PACRGL: variants seen among roughly 807,000 people sequenced by gnomAD.
PACRGL encodes PACRG-like protein.
Under a neutral mutation model 34.5 loss-of-function variants are expected in PACRGL, and 38 were observed. That is an observed-to-expected ratio of 1.10 (90% confidence interval 0.85 to 1.44). The LOEUF is 1.44. Ranked by LOEUF, PACRGL falls within the 40% of genes most tolerant of loss-of-function variation. The pLI is 0.00. For synonymous variants in PACRGL, 128 were observed against 100.1 expected (o/e 1.28, Z -1.66); for missense variants, 305 against 281.4 (o/e 1.08, Z -0.60).
intron 4 of PACRGL, among the ~76,000 whole-genome samples, chr4:20,708,982 A>AG (rs1735832817): frequency 1.3e-5 from 2 of 150,402 alleles, no homozygotes; most frequent in African/African-American, 2.4e-5. Flanking sequence ...AAAAAAAAAA[A>AG]TACAAAATTA....
intron 8 of PACRGL, among the ~76,000 whole-genome samples, chr4:20,740,004 A>T (rs1750672845): frequency 6.6e-6 from 1 of 152,204 alleles, no homozygotes; most frequent in Admixed American, 6.5e-5. Flanking sequence ...GTGATTGAAG[A>T]TCAAGTGAAT....
chr4:20,724,521 G>A (rs1441233197), intron 7 of PACRGL, among the ~76,000 whole-genome samples: 3 of 152,130 alleles, frequency 2.0e-5, no homozygotes, highest in African/African-American at 7.2e-5. Flanking sequence ...GGTCCTCAAT[G>A]CTCTTGCAAA....
rs1745530387 is a variant in PACRGL, at chr4:20,726,166, AG to A, written c.691-1114del. Among the ~76,000 whole-genome samples the A allele has an allele frequency of 2.0e-5, 3 of 152,012 alleles. No homozygotes were observed. In the South Asian group the frequency reaches 6.2e-4, roughly 32 times the overall value. On this transcript the variant is annotated intron_variant, in intron 8 of 8. Coordinates refer to ENST00000503585, the MANE Select transcript of PACRGL (RefSeq NM_001258345.3). ...ATGTTAGATTTTGTGGTGGGAGTGG[AG>A]GGGGTGTGGAGGAGGAGATAGTATA...
At chr4:20,733,800 A>C (rs1392710757), downstream of PACRGL, among the ~76,000 whole-genome samples, 2 of 152,208 alleles carry the variant, frequency 1.3e-5, no homozygotes, top group African/African-American at 4.8e-5. Flanking sequence ...AGTGATACCT[A>C]TTCTGGCCCC....
At chr4:20,755,677 GT>G (rs1754351747), downstream of PACRGL, among the ~76,000 whole-genome samples, 1 of 152,196 alleles carries the variant, frequency 6.6e-6, no homozygotes. Flanking sequence ...GATGGGGAAT[GT>G]TTAAGGTGTT....
Position 20,716,292 on chromosome 4 carries a change from A to C in PACRGL, c.609+2753A>C, listed in dbSNP as rs192619344. ...AGGGTCCATGAGAGACCAGTCATGGAGTTTTCAGTTTTCTTCTCCTAGTGA... is the reference window on the plus strand; with the variant it reads ...AGGGTCCATGAGAGACCAGTCATGGCGTTTTCAGTTTTCTTCTCCTAGTGA... On this transcript the variant is annotated intron_variant, in intron 7 of 8. Coordinates refer to ENST00000503585, the MANE Select transcript of PACRGL (RefSeq NM_001258345.3). 2,237 of 599,836 alleles carry C rather than the reference A, an allele frequency of 3.7e-3. 53 individuals are homozygous for C. The highest frequency in any genetic ancestry group is 0.035 in the South Asian group (1,702 of 49,106). The allele number at this position is 599,836 out of a possible 1,614,324, so 37.2% of individuals were successfully genotyped here. A position where few individuals can be genotyped will look rare whatever the true frequency, so the allele number is the denominator to read the frequency against.
the PACRGL span, among the ~76,000 whole-genome samples, chr4:20,758,530 C>T: frequency 6.6e-6 from 1 of 152,124 alleles, no homozygotes; most frequent in African/African-American, 2.4e-5. Flanking sequence ...AGCTTTGTGG[C>T]ATTTTTGAGC....
At chr4:20,701,200 G>A (rs761205117) in intron 1 of PACRGL, among the ~76,000 whole-genome samples, 1 of 152,104 alleles carries the variant, frequency 6.6e-6, no homozygotes. Context: ...AGCTGAGTAC[G>A]GGAGAAAGTA....
chr4:20,716,335 T>G (rs1578230430), intron 7 of PACRGL: 1 of 583,862 alleles, frequency 1.7e-6, no homozygotes, highest in East Asian at 2.9e-5. Context: ...CATGCAGTGT[T>G]TTTTTTTTGT....
rs1041448842 is a variant in PACRGL, at chr4:20,729,505, T to TA, written c.*2169dup. ...AAATGTTTAATAATTTTTAAATGTT[T>TA]AAAAATGCCAGATAAAACTAATTTC... On this transcript the variant is annotated 3_prime_UTR_variant, in exon 9 of 9. Coordinates refer to ENST00000503585, the MANE Select transcript of PACRGL (RefSeq NM_001258345.3). 76 of 148,870 alleles carry TA rather than the reference T, an allele frequency of 5.1e-4. No homozygotes were observed. The highest frequency in any genetic ancestry group is 1.8e-3 in the African/African-American group (75 of 40,704). The allele number at this position is 148,870 out of a possible 1,614,324, so 9.2% of individuals were successfully genotyped here.
chr4:20,734,005 A>G (rs1390716653), downstream of PACRGL, among the ~76,000 whole-genome samples: 1 of 152,140 alleles, frequency 6.6e-6, no homozygotes, highest in African/African-American at 2.4e-5. Flanking sequence ...AGGCAAAGAG[A>G]GACAGGACAT....
intron 7 of PACRGL, among the ~76,000 whole-genome samples, chr4:20,719,292 T>C (rs1741797603): frequency 1.3e-5 from 2 of 152,228 alleles, no homozygotes; most frequent in South Asian, 2.1e-4. Context: ...CCTGGAGTCA[T>C]TGATTTTTTG....
intron 8 of PACRGL, among the ~76,000 whole-genome samples, chr4:20,750,403 G>T (rs1452482544): frequency 6.6e-6 from 1 of 152,104 alleles, no homozygotes; most frequent in Non-Finnish European, 1.5e-5. Flanking sequence ...GGGACTGGGT[G>T]GTCCTACATG....
intron 7 of PACRGL, among the ~76,000 whole-genome samples, chr4:20,719,607 C>G (rs1741992015): frequency 1.3e-5 from 2 of 152,328 alleles, no homozygotes; most frequent in South Asian, 4.1e-4. Flanking sequence ...CATTCCGGAG[C>G]AGGTTGTTCA....
downstream of PACRGL, among the ~76,000 whole-genome samples, chr4:20,757,382 G>A (rs1473310051): frequency 6.6e-6 from 1 of 152,132 alleles, no homozygotes; most frequent in African/African-American, 2.4e-5. Flanking sequence ...ACCTATCAGT[G>A]AAATGTATCC....
chr4:20,754,415 CCAT>C (rs1754156494), downstream of PACRGL, among the ~76,000 whole-genome samples: 2 of 152,138 alleles, frequency 1.3e-5, no homozygotes, highest in South Asian at 4.1e-4. Context: ...TGCATTCAGA[CCAT>C]CATCCTGAAT....
intron 3 of PACRGL, 140 bp from the exon 4 acceptor site, chr4:20,707,663 A>G (rs1735146513): frequency 1.4e-6 from 1 of 692,868 alleles, no homozygotes. Context: ...TAGAGAGAGG[A>G]TTGACAGTTT....
chr4:20,712,560 A>G (rs1164434700), intron 5 of PACRGL: 2 of 344,610 alleles, frequency 5.8e-6, no homozygotes, highest in Non-Finnish European at 1.0e-5. Flanking sequence ...GGGTTTTGGT[A>G]TCCATTGGAG....
At chr4:20,719,789 A>T (rs565787394) in intron 7 of PACRGL, among the ~76,000 whole-genome samples, 1 of 151,858 alleles carries the variant, frequency 6.6e-6, no homozygotes, top group Non-Finnish European at 1.5e-5. Flanking sequence ...TGTGGTGCTG[A>T]GAAGAATGTA....
Sources: gnomAD v4.1 joint callset for allele counts (sites outside exome capture counted in the v4.1 genomes callset) on GRCh38, gnomAD v4.1.1 for gene constraint, MANE v1.5 for transcripts, NCBI Gene and HGNC (gene_info 2026-07-23, HGNC 2026-07-21) for gene names.